Variants in MET observed in about 807,000 individuals in gnomAD.
The protein encoded by MET is MET proto-oncogene, receptor tyrosine kinase.
Under a neutral mutation model 133.1 loss-of-function variants are expected in MET, and 48 were observed. That is an observed-to-expected ratio of 0.36 (90% CI 0.29 to 0.46). The LOEUF is 0.46. Among genes scored for constraint, MET ranks in the 20% least tolerant of loss-of-function variants. The pLI, the probability that MET is intolerant of heterozygous loss-of-function variation, is 1.00. For missense variants in MET, 1,442 were observed against 1,695.9 expected, an observed-to-expected ratio of 0.85 and a Z score of 2.63; for synonymous variants, 628 against 616.5, an observed-to-expected ratio of 1.02 and a Z score of -0.28.
At chr7:116,762,903 A>T (rs1794450027) in intron 10 of MET, 147 bp from the exon 11 acceptor site, 1 of 724,412 alleles carries the variant, frequency 1.4e-6, no homozygotes, top group Admixed American at 2.2e-5. Context: ...GTGTTTCCAG[A>T]AATGTGTAGT....
intron 8 of MET, 150 bp downstream of exon 8, chr7:116,757,924 C>A: frequency 1.2e-6 from 1 of 815,810 alleles, no homozygotes; most frequent in Non-Finnish European, 2.0e-6. Flanking sequence ...TTCCTCCTTC[C>A]AAAATTCATC....
At chr7:116,675,945 G>C (rs988791784) in intron 1 of MET, among the ~76,000 whole-genome samples, 5 of 151,972 alleles carry the variant, frequency 3.3e-5, no homozygotes, top group African/African-American at 1.2e-4. Flanking sequence ...TGTTAAACAG[G>C]TTAGTATATT....
At chr7:116,762,219 A>G (rs1429876848) in intron 10 of MET, among the ~76,000 whole-genome samples, 2 of 152,232 alleles carry the variant, frequency 1.3e-5, no homozygotes, top group Admixed American at 6.5e-5. Flanking sequence ...AGTATAAAAT[A>G]TGTCATAGAC....
chr7:116,689,802 G>A lies in MET; in HGVS notation c.-14-9269G>A, dbSNP rs547746073. Among the ~76,000 whole-genome samples the A allele has an allele frequency of 1.3e-3, 199 of 152,130 alleles. 1 individual carries two copies. The highest frequency in any genetic ancestry group is 2.5e-3 in the South Asian group (12 of 4,820). On this transcript the variant is annotated intron_variant, in intron 1 of 20. Transcript: ENST00000397752. ...CTCAAACTCCTGAACTCAAGCAATC[G>A]TCTGGCCTCAGCCTCCTGAAGTGCT...
Position 116,783,297 on chromosome 7 carries a change from T to G in MET, c.3633-7T>G. On this transcript the variant is annotated splice_region_variant and splice_polypyrimidine_tract_variant and intron_variant, in intron 18 of 20. Transcript: ENST00000397752. The stretch of plus-strand genomic sequence containing the variant: ...GCCACGGGTAATAATTTTTGTCCTT[T>G]CTGTAGGCTGGATGAAAAATTCACA... The G allele has an allele frequency of 6.2e-7, 1 of 1,614,136 alleles. No individual in the cohort carries two copies. The highest frequency in any genetic ancestry group is 8.5e-7 in the Non-Finnish European group (1 of 1,179,992).
chr7:116,792,406 A>C (rs567229868), intron 19 of MET, among the ~76,000 whole-genome samples: 1 of 150,824 alleles, frequency 6.6e-6, no homozygotes, highest in African/African-American at 2.4e-5. Context: ...CCTAATGCAC[A>C]TGAATTGTAC....
At chr7:116,786,862 G>A (rs918454726) in intron 19 of MET, among the ~76,000 whole-genome samples, 10 of 152,344 alleles carry the variant, frequency 6.6e-5, no homozygotes, top group Non-Finnish European at 1.2e-4. Flanking sequence ...AGATCTGAGT[G>A]TGGCATGGGA....
At chr7:116,791,738 C>T (rs1468922880) in intron 19 of MET, among the ~76,000 whole-genome samples, 1 of 152,170 alleles carries the variant, frequency 6.6e-6, no homozygotes, top group Non-Finnish European at 1.5e-5. Context: ...AATCTTGGCT[C>T]ACTGCTACCT....
At chr7:116,681,556 A>G (rs1562873620) in intron 1 of MET, among the ~76,000 whole-genome samples, 1 of 152,224 alleles carries the variant, frequency 6.6e-6, no homozygotes, top group Non-Finnish European at 1.5e-5. Flanking sequence ...GCATGGATGT[A>G]GGAATTGTAT....
chr7:116,789,211 A>T (rs1204656590), intron 19 of MET, among the ~76,000 whole-genome samples: 5 of 151,912 alleles, frequency 3.3e-5, no homozygotes, highest in Non-Finnish European at 7.4e-5. Flanking sequence ...CTTCTCTCAG[A>T]TGTAGCTGTC....
intron 19 of MET, among the ~76,000 whole-genome samples, chr7:116,790,418 C>T (rs1795448531): frequency 6.6e-6 from 1 of 152,164 alleles, no homozygotes; most frequent in Non-Finnish European, 1.5e-5. Flanking sequence ...AAGCTTCATC[C>T]ATGTTCTAGT....
chr7:116,739,950 G>C lies in MET; in HGVS notation c.1393G>C (p.Val465Leu), dbSNP rs754969545. 1.2e-6 allele frequency: 2 copies of C among 1,613,994 alleles called. No individual in the cohort carries two copies. Among genetic ancestry groups the C allele is most frequent in the Non-Finnish European group, 8.5e-7 (1 of 1,179,940 alleles). ...LGTSEGRFMQ[V>L]VVSRSGPSTP... ...ATGTTATAACTTTTTTGCTGTTTAG[G>C]TTGTGGTTTCTCGATCAGGACCATC... Residue 465 changes from valine (V) to leucine (L), a missense_variant and splice_region_variant, in exon 4 of 21, where the codon GTT becomes CTT. Coordinates refer to ENST00000397752, the MANE Select transcript of MET (RefSeq NM_000245.4).
chr7:116,692,860 C>T (rs1796822698), intron 1 of MET, among the ~76,000 whole-genome samples: 1 of 152,192 alleles, frequency 6.6e-6, no homozygotes, highest in Admixed American at 6.5e-5. Context: ...ATGAATTAGT[C>T]AGTCTGTTTG....
chr7:116,735,922 A>T (rs1330565170), intron 3 of MET, among the ~76,000 whole-genome samples: 1 of 151,836 alleles, frequency 6.6e-6, no homozygotes, highest in Non-Finnish European at 1.5e-5. Context: ...GATTACAGGC[A>T]CGTACCACCA....
chr7:116,686,632 G>A (rs569493936), intron 1 of MET, among the ~76,000 whole-genome samples: 28 of 152,166 alleles, frequency 1.8e-4, no homozygotes, highest in Non-Finnish European at 3.2e-4. Flanking sequence ...GTCAAATTTG[G>A]TCTTAAATAG....
intron 2 of MET, among the ~76,000 whole-genome samples, chr7:116,716,284 G>GGAGAGAGAGAGAGAGAGA (rs564115135): frequency 7.9e-5 from 3 of 38,056 alleles, no homozygotes; most frequent in Admixed American, 4.4e-4. Flanking sequence ...AGGGAGAGAG[G>GGAGAGAGAGAGAGAGAGA]GAGAGAGAGA....
At chr7:116,695,142 A>G (rs1796918877) in intron 1 of MET, among the ~76,000 whole-genome samples, 1 of 152,182 alleles carries the variant, frequency 6.6e-6, no homozygotes, top group Non-Finnish European at 1.5e-5. Flanking sequence ...AATAAATTAT[A>G]TATTAAGCTC....
At chr7:116,760,572 G>A (rs889337368) in intron 10 of MET, among the ~76,000 whole-genome samples, 6 of 152,146 alleles carry the variant, frequency 3.9e-5, no homozygotes, top group African/African-American at 1.4e-4. Context: ...GCAAGGTCTT[G>A]ATTGGTCAGG....
chr7:116,679,142 C>T (rs1796261543), intron 1 of MET, among the ~76,000 whole-genome samples: 1 of 152,138 alleles, frequency 6.6e-6, no homozygotes, highest in South Asian at 2.1e-4. Context: ...AATATAAATA[C>T]AAAGCCCAAA....
Sources: allele counts gnomAD v4.1 joint callset (sites outside exome capture counted in the v4.1 genomes callset), GRCh38; gene constraint gnomAD v4.1.1; transcripts MANE v1.5; gene names NCBI Gene and HGNC (gene_info 2026-07-23, HGNC 2026-07-21).